Variants in PRELID2 observed in about 807,000 individuals in gnomAD.
PRELID2 encodes PRELI domain-containing protein 2.
In PRELID2, 25 loss-of-function variants were observed where a neutral mutation model predicts 28.4. The ratio of observed to expected loss-of-function variants is 0.88; its 90% CI spans 0.64 to 1.23. The LOEUF (loss-of-function observed/expected upper bound fraction) is 1.23, where lower values mean the gene tolerates loss of function less well. Ranked by LOEUF, PRELID2 falls within the 50% of genes most tolerant of loss-of-function variation. The pLI is 0.00. For missense variants in PRELID2, 201 were observed against 214.4 expected (o/e 0.94, Z 0.39); for synonymous variants, 76 against 71.6 (o/e 1.06, Z -0.31).
At chr5:145,488,443 T>G (rs1420075152) in intron 1 of PRELID2, among the ~76,000 whole-genome samples, 2 of 152,316 alleles carry the variant, frequency 1.3e-5, no homozygotes, top group East Asian at 3.9e-4. Flanking sequence ...ACTAGTCAAT[T>G]TACTGTTTTT....
the PRELID2 span, among the ~76,000 whole-genome samples, chr5:145,424,895 G>T: frequency 6.6e-6 from 1 of 152,178 alleles, no homozygotes; most frequent in Non-Finnish European, 1.5e-5. Flanking sequence ...AAAAGCAATT[G>T]CAACAGAAGC....
the PRELID2 span, among the ~76,000 whole-genome samples, chr5:145,350,667 A>G: frequency 6.6e-6 from 1 of 152,184 alleles, no homozygotes; most frequent in Non-Finnish European, 1.5e-5. Context: ...TGCATGCACA[A>G]TTTATGGCAA....
intron 1 of PRELID2, among the ~76,000 whole-genome samples, chr5:145,536,973 T>C (rs61292480): frequency 0.01 from 1,551 of 151,966 alleles, 30 homozygotes; most frequent in African/African-American, 0.035. Flanking sequence ...TTTTAAGTTT[T>C]TAATTTTTAA....
Position 145,827,103 on chromosome 5 carries a change from C to G in PRELID2, c.76-3969G>C, listed in dbSNP as rs78343436. On this transcript the variant is annotated intron_variant, in intron 1 of 6. Coordinates refer to ENST00000683046, the MANE Select transcript of PRELID2 (RefSeq NM_205846.3). The stretch of plus-strand genomic sequence containing the variant: ...GTCCTTCAAAGAAGGCAAAGAAGAC[C>G]TACAGTAAGTCTGGTATATTAACAT... Among the ~76,000 whole-genome samples, 652 of 152,194 alleles carry G rather than the reference C, an allele frequency of 4.3e-3. 4 individuals are homozygous for G. The highest frequency in any genetic ancestry group is 0.015 in the African/African-American group (627 of 41,522).
chr5:145,261,905 A>T, the PRELID2 span, among the ~76,000 whole-genome samples: 946 of 152,326 alleles, frequency 6.2e-3, 9 homozygotes, highest in African/African-American at 0.022. Context: ...GAAGCATTAG[A>T]GGAAGGTGAA....
chr5:145,463,577 C>T, the PRELID2 span, among the ~76,000 whole-genome samples: 1 of 152,126 alleles, frequency 6.6e-6, no homozygotes, highest in Non-Finnish European at 1.5e-5. Context: ...CCCTATGCAA[C>T]TTCATAACGG....
At chr5:145,755,721 T>C (rs1462507107), downstream of PRELID2, among the ~76,000 whole-genome samples, 1 of 140,396 alleles carries the variant, frequency 7.1e-6, no homozygotes, top group African/African-American at 2.7e-5. Context: ...CATATAATGA[T>C]ACACGCCTTC....
chr5:145,305,520 A>G, the PRELID2 span, among the ~76,000 whole-genome samples: 3 of 152,168 alleles, frequency 2.0e-5, no homozygotes, highest in Non-Finnish European at 4.4e-5. Context: ...TGCCATAATG[A>G]ACATGCAACA....
chr5:145,233,337 C>T, the PRELID2 span, among the ~76,000 whole-genome samples: 4 of 152,050 alleles, frequency 2.6e-5, no homozygotes, highest in Non-Finnish European at 4.4e-5. Context: ...CATAGTATTC[C>T]AGGTAGGAAT....
At chr5:145,359,928 T>G in the PRELID2 span, among the ~76,000 whole-genome samples, 2 of 152,156 alleles carry the variant, frequency 1.3e-5, no homozygotes. Flanking sequence ...AGGTTCAATT[T>G]TGTACAGACA....
the PRELID2 span, among the ~76,000 whole-genome samples, chr5:145,378,771 T>C: frequency 1.3e-5 from 2 of 152,326 alleles, no homozygotes; most frequent in East Asian, 3.9e-4. Flanking sequence ...ATTCATATTT[T>C]GAATTCTATT....
At chr5:145,700,426 G>T (rs1257807416) in intron 1 of PRELID2, among the ~76,000 whole-genome samples, 1 of 151,956 alleles carries the variant, frequency 6.6e-6, no homozygotes, top group African/African-American at 2.4e-5. Context: ...TATGCTGCTG[G>T]TTTTCACCAG....
intron 1 of PRELID2, among the ~76,000 whole-genome samples, chr5:145,637,028 C>T (rs1754013005): frequency 6.6e-6 from 1 of 151,988 alleles, no homozygotes; most frequent in Non-Finnish European, 1.5e-5. Flanking sequence ...AATAGACATC[C>T]ATCATTTATG....
chr5:145,238,358 G>A, the PRELID2 span, among the ~76,000 whole-genome samples: 1 of 152,188 alleles, frequency 6.6e-6, no homozygotes, highest in Non-Finnish European at 1.5e-5. Flanking sequence ...CATCAATGCG[G>A]ATGTTTCTTC....
chr5:145,235,126 G>A, the PRELID2 span, among the ~76,000 whole-genome samples: 1 of 152,076 alleles, frequency 6.6e-6, no homozygotes, highest in East Asian at 1.9e-4. Context: ...GCATTTCACT[G>A]AGCCATTCTC....
At chr5:145,593,978 G>A (rs1054587370) in intron 1 of PRELID2, among the ~76,000 whole-genome samples, 1 of 152,100 alleles carries the variant, frequency 6.6e-6, no homozygotes, top group South Asian at 2.1e-4. Flanking sequence ...TATTGTGATA[G>A]TATTTTTAAA....
At chr5:145,573,630 G>A (rs1753035125) in intron 1 of PRELID2, among the ~76,000 whole-genome samples, 1 of 152,126 alleles carries the variant, frequency 6.6e-6, no homozygotes, top group Non-Finnish European at 1.5e-5. Flanking sequence ...TTAGCTTGCT[G>A]AGGATGATGA....
At chr5:145,469,292 A>G (rs549579487), downstream of PRELID2, among the ~76,000 whole-genome samples, 26 of 152,224 alleles carry the variant, frequency 1.7e-4, no homozygotes, top group South Asian at 5.2e-3. Flanking sequence ...ATATATCATA[A>G]TTTTGTATAC....
the PRELID2 span, among the ~76,000 whole-genome samples, chr5:145,251,643 C>G: frequency 6.6e-6 from 1 of 152,034 alleles, no homozygotes; most frequent in Non-Finnish European, 1.5e-5. Context: ...ATTATTTGAG[C>G]CCTGGATACC....
Sources: allele counts gnomAD v4.1 joint callset (sites outside exome capture counted in the v4.1 genomes callset), GRCh38; gene constraint gnomAD v4.1.1; transcripts MANE v1.5; gene names NCBI Gene and HGNC (gene_info 2026-07-23, HGNC 2026-07-21).